PRKG1: variants seen among roughly 807,000 people sequenced by gnomAD.
The protein encoded by PRKG1 is protein kinase cGMP-dependent 1.
PRKG1 carries 35 observed loss-of-function variants against 88.1 expected under a neutral mutation model. The ratio of observed to expected loss-of-function variants is 0.40; its 90% CI spans 0.30 to 0.53. The LOEUF is 0.53. PRKG1 is among the 20% of genes least tolerant of loss of function. PRKG1 has a pLI of 0.59. For missense variants in PRKG1, 540 were observed against 839.8 expected (o/e 0.64, Z 4.41); for synonymous variants, 303 against 292.5 (o/e 1.04, Z -0.37).
At chr10:51,749,796 G>A (rs894391500) in intron 3 of PRKG1, among the ~76,000 whole-genome samples, 1 of 152,038 alleles carries the variant, frequency 6.6e-6, no homozygotes, top group Non-Finnish European at 1.5e-5. Context: ...GCATTAAACT[G>A]CTCCTCAGAG....
intron 2 of PRKG1, among the ~76,000 whole-genome samples, chr10:51,177,945 GA>G (rs1327920635): frequency 9.2e-5 from 14 of 151,908 alleles, no homozygotes; most frequent in Admixed American, 2.0e-4. Flanking sequence ...TACTGTGTAA[GA>G]AAAGTAAAAA....
intron 12 of PRKG1, among the ~76,000 whole-genome samples, chr10:52,279,224 C>A (rs1472983036): frequency 1.3e-5 from 2 of 152,062 alleles, no homozygotes; most frequent in African/African-American, 4.8e-5. Context: ...TTTAACTCTG[C>A]CAAAGATATC....
At chr10:51,816,478 G>T (rs1382392381) in intron 4 of PRKG1, among the ~76,000 whole-genome samples, 1 of 151,392 alleles carries the variant, frequency 6.6e-6, no homozygotes, top group African/African-American at 2.4e-5. Context: ...ATATTCCTTG[G>T]AAGTGCATTG....
At chr10:51,745,135 T>A (rs1837544248) in intron 3 of PRKG1, among the ~76,000 whole-genome samples, 1 of 152,174 alleles carries the variant, frequency 6.6e-6, no homozygotes, top group African/African-American at 2.4e-5. Flanking sequence ...AAGTTATATA[T>A]TTTTTGTCTC....
chr10:51,944,062 C>T (rs57195812), intron 5 of PRKG1, among the ~76,000 whole-genome samples: 12,604 of 151,916 alleles, frequency 0.083, 1,516 homozygotes, highest in African/African-American at 0.26. Flanking sequence ...TGGTAGAATT[C>T]GGCTGTGAAT....
intron 3 of PRKG1, among the ~76,000 whole-genome samples, chr10:51,514,384 A>T (rs914943442): frequency 1.3e-5 from 2 of 152,162 alleles, no homozygotes; most frequent in Admixed American, 6.6e-5. Flanking sequence ...TGTGTGAATG[A>T]CCTGCTTTTA....
At chr10:51,819,198 T>C (rs1272841611) in intron 4 of PRKG1, among the ~76,000 whole-genome samples, 2 of 151,896 alleles carry the variant, frequency 1.3e-5, no homozygotes, top group African/African-American at 2.4e-5. Context: ...AAGGTATGTA[T>C]AGAGATCACA....
intron 3 of PRKG1, among the ~76,000 whole-genome samples, chr10:51,717,561 G>A (rs917650470): frequency 5.3e-5 from 8 of 152,328 alleles, no homozygotes; most frequent in South Asian, 2.1e-4. Flanking sequence ...GCCAGGTACT[G>A]TGGCTCATGC....
At chr10:51,893,603 T>G (rs1352898809) in intron 4 of PRKG1, among the ~76,000 whole-genome samples, 1 of 152,204 alleles carries the variant, frequency 6.6e-6, no homozygotes, top group Non-Finnish European at 1.5e-5. Flanking sequence ...TCAATCTGAA[T>G]GTTTTAAGTA....
intron 3 of PRKG1, among the ~76,000 whole-genome samples, chr10:51,479,441 A>G (rs1840293950): frequency 6.6e-6 from 1 of 151,966 alleles, no homozygotes; most frequent in Non-Finnish European, 1.5e-5. Context: ...TTGTTTGTTT[A>G]TAGTTGGTAG....
At chr10:52,012,127 CAT>C (rs985206414) in intron 5 of PRKG1, among the ~76,000 whole-genome samples, 1 of 152,158 alleles carries the variant, frequency 6.6e-6, no homozygotes, top group African/African-American at 2.4e-5. Context: ...TGAAATTCCA[CAT>C]AGTTGTCTAG....
chr10:51,522,757 C>G (rs758911522), intron 3 of PRKG1, among the ~76,000 whole-genome samples: 1 of 151,950 alleles, frequency 6.6e-6, no homozygotes, highest in Non-Finnish European at 1.5e-5. Flanking sequence ...AAAAATCTAC[C>G]TGCTTTTTTT....
chr10:51,846,864 CTA>C (rs1350894628), intron 4 of PRKG1, among the ~76,000 whole-genome samples: 3 of 152,080 alleles, frequency 2.0e-5, no homozygotes, highest in African/African-American at 7.2e-5. Context: ...ATGGGAATAT[CTA>C]TCTTGAAATT....
chr10:52,177,305 C>T (rs1461691905), intron 9 of PRKG1, among the ~76,000 whole-genome samples: 2 of 151,968 alleles, frequency 1.3e-5, no homozygotes, highest in Admixed American at 6.6e-5. Context: ...GTATGTATGA[C>T]ATTTATTTAT....
intron 3 of PRKG1, among the ~76,000 whole-genome samples, chr10:51,628,016 T>C (rs879891172): frequency 0.15 from 10,231 of 67,356 alleles, 1,930 homozygotes; most frequent in East Asian, 0.33. Context: ...CTCTCTTTCT[T>C]TCTTTCTTTC....
chr10:51,001,904 C>T (rs1842893797), intron 1 of PRKG1, among the ~76,000 whole-genome samples: 1 of 152,088 alleles, frequency 6.6e-6, no homozygotes, highest in Non-Finnish European at 1.5e-5. Context: ...ATAACTTTCT[C>T]AATATCAGGA....
chr10:51,158,913 T>A (rs886580999), intron 2 of PRKG1, among the ~76,000 whole-genome samples: 9 of 151,642 alleles, frequency 5.9e-5, no homozygotes, highest in Admixed American at 5.9e-4. Flanking sequence ...TATGTGATTA[T>A]TCACATCTAC....
chr10:51,620,727 T>C (rs560188946), intron 3 of PRKG1, among the ~76,000 whole-genome samples: 14 of 152,052 alleles, frequency 9.2e-5, no homozygotes, highest in Non-Finnish European at 1.6e-4. Context: ...ATCCTCACGA[T>C]GACTTTATGA....
intron 2 of PRKG1, among the ~76,000 whole-genome samples, chr10:51,336,316 G>A (rs879621936): frequency 4.0e-5 from 6 of 151,898 alleles, no homozygotes; most frequent in Admixed American, 6.6e-5. Context: ...TCATGCCTCC[G>A]CACTCCAGCC....
Sources: gnomAD v4.1 joint callset for allele counts (sites outside exome capture counted in the v4.1 genomes callset) on GRCh38, gnomAD v4.1.1 for gene constraint, MANE v1.5 for transcripts, NCBI Gene and HGNC (gene_info 2026-07-23, HGNC 2026-07-21) for gene names.